LHPP: variants seen among roughly 807,000 people sequenced by gnomAD.
The protein encoded by LHPP is phospholysine phosphohistidine inorganic pyrophosphate phosphatase.
LHPP carries 24 observed loss-of-function variants against 30.3 expected under a neutral mutation model. That is an observed-to-expected ratio of 0.79 (90% CI 0.57 to 1.11). The LOEUF (loss-of-function observed/expected upper bound fraction) is 1.11. Among genes scored for constraint, LHPP ranks in the 50% most tolerant of loss-of-function variants. The pLI is 0.00. For missense variants in LHPP, 356 were observed against 367.2 expected (o/e 0.97, Z 0.25); for synonymous variants, 150 against 157.1 (o/e 0.95, Z 0.34).
In LHPP at chr10:124,501,601, T is replaced by TAA. The variant is rs1046422221; in HGVS notation, c.624+3492_624+3493dup. Among the ~76,000 whole-genome samples the TAA allele has an allele frequency of 2.6e-3, 301 of 116,388 alleles. 4 individuals are homozygous for TAA. Among genetic ancestry groups the TAA allele is most frequent in the African/African-American group, 8.7e-3 (264 of 30,300 alleles). 76.4% of individuals were successfully genotyped at this position (116,388 alleles called of 152,430 possible). On this transcript the variant is annotated intron_variant, in intron 5 of 6. Coordinates refer to ENST00000368842, the MANE Select transcript of LHPP (RefSeq NM_022126.4). ...TGGGCGACAGAGCCAGACTCTGTCT[T>TAA]AAAAAAAAAAAAAAAAAAAAGAAAA...
intron 6 of LHPP, among the ~76,000 whole-genome samples, chr10:124,610,224 A>G (rs925483419): frequency 1.3e-5 from 2 of 152,216 alleles, no homozygotes; most frequent in African/African-American, 4.8e-5. Flanking sequence ...GTGTGGCATC[A>G]CAGAATGACA....
At chr10:124,475,431 C>T (rs1952914963) in intron 1 of LHPP, among the ~76,000 whole-genome samples, 1 of 151,366 alleles carries the variant, frequency 6.6e-6, no homozygotes, top group African/African-American at 2.4e-5. Flanking sequence ...ATCCCAGCTA[C>T]TTGGGAGGCT....
intron 1 of LHPP, among the ~76,000 whole-genome samples, chr10:124,462,413 A>G (rs1409527814): frequency 1.3e-5 from 2 of 151,948 alleles, no homozygotes; most frequent in African/African-American, 4.8e-5. Context: ...TGGGCAACAT[A>G]GGGAGACCCC....
At chr10:124,572,282 G>A (rs1030043705) in intron 6 of LHPP, among the ~76,000 whole-genome samples, 2 of 152,198 alleles carry the variant, frequency 1.3e-5, no homozygotes, top group Non-Finnish European at 2.9e-5. Context: ...TGCAGTAACC[G>A]ACGGAGTGGT....
intron 1 of LHPP, among the ~76,000 whole-genome samples, chr10:124,475,847 C>T (rs555323123): frequency 7.3e-4 from 111 of 152,314 alleles, no homozygotes; most frequent in African/African-American, 2.5e-3. Flanking sequence ...CCACATGCCA[C>T]GAGGCATTTC....
intron 6 of LHPP, among the ~76,000 whole-genome samples, chr10:124,607,430 C>T (rs1381736135): frequency 3.3e-5 from 5 of 152,258 alleles, no homozygotes; most frequent in Admixed American, 6.5e-5. Flanking sequence ...GGGCAAACAC[C>T]GGCCGGGTGC....
intron 6 of LHPP, among the ~76,000 whole-genome samples, chr10:124,552,949 G>A (rs747637284): frequency 1.1e-4 from 17 of 152,232 alleles, no homozygotes; most frequent in Admixed American, 1.3e-4. Context: ...TAAGGCAACC[G>A]TAATTAACAT....
intron 1 of LHPP, among the ~76,000 whole-genome samples, chr10:124,467,692 T>TTG (rs200509215): frequency 2.1e-5 from 3 of 141,590 alleles, no homozygotes; most frequent in Admixed American, 7.1e-5. Flanking sequence ...GGTTTTTCTT[T>TTG]TGTGTGTGTG....
intron 6 of LHPP, among the ~76,000 whole-genome samples, chr10:124,589,346 T>C (rs1370042206): frequency 6.6e-6 from 1 of 152,254 alleles, no homozygotes; most frequent in Non-Finnish European, 1.5e-5. Flanking sequence ...CTTCCACTGC[T>C]GGATGGAGCC....
At chr10:124,548,901 G>A (rs1955414540) in intron 6 of LHPP, among the ~76,000 whole-genome samples, 1 of 152,232 alleles carries the variant, frequency 6.6e-6, no homozygotes, top group Non-Finnish European at 1.5e-5. Context: ...TGGGATCGCA[G>A]CCTTGGTAGC....
rs867252473 is a variant in LHPP, at chr10:124,549,166, G to A, written c.716+31895G>A. Among the ~76,000 whole-genome samples the A allele has an allele frequency of 4.6e-5, 7 of 152,336 alleles. No homozygotes were observed. In the Middle Eastern group the frequency reaches 0.01, roughly 222 times the overall value. ...TTTGATGAATGTATAGCCAGGCACA[G>A]TGGCTCACATCTGTATTCCCAACAC... On this transcript the variant is annotated intron_variant, in intron 6 of 6. Transcript: ENST00000368842.
rs761368235 is a variant in LHPP, at chr10:124,488,428, G to T, written c.320G>T (p.Arg107Leu). The T allele has an allele frequency of 1.2e-6, 2 of 1,613,740 alleles. No individual in the cohort carries two copies. Among genetic ancestry groups the T allele is most frequent in the South Asian group, 2.2e-5 (2 of 91,026 alleles). Residue 107 changes from arginine to leucine, a missense_variant, in exon 3 of 7, where the codon CGC (arginine) becomes CTC (leucine). By Grantham distance (102) the Arg-to-Leu change is moderately radical. Coordinates refer to ENST00000368842, the MANE Select transcript of LHPP (RefSeq NM_022126.4). ...TCTCTCTCTCTCTTTCCAGGAGTCCGCTCAGAATTTGATCAGATCGACACA... is the reference window on the plus strand; with the variant it reads ...TCTCTCTCTCTCTTTCCAGGAGTCCTCTCAGAATTTGATCAGATCGACACA... ...RPYLLIHDGV[R>L]SEFDQIDTSN...
rs1225277940 is a variant in LHPP, at chr10:124,526,897, C to T, written c.716+9626C>T. ...CAGATCTGGGAAGCCGTGGCCAGGC[C>T]GCAGCAAGCAGGGGAAGAAGGGGCC... is the stretch of plus-strand genomic sequence containing the variant. On this transcript the variant is annotated intron_variant, in intron 6 of 6. Transcript: ENST00000368842. Among the ~76,000 whole-genome samples, 7 of 152,228 alleles carry T rather than the reference C, an allele frequency of 4.6e-5. No individual in the cohort carries two copies. In the East Asian group the frequency reaches 5.8e-4, roughly 13 times the overall value.
At chr10:124,595,056 G>A (rs1488723224) in intron 6 of LHPP, among the ~76,000 whole-genome samples, 1 of 152,186 alleles carries the variant, frequency 6.6e-6, no homozygotes, top group East Asian at 1.9e-4. Context: ...TTAGCAGCAT[G>A]AAAACAGACT....
intron 6 of LHPP, among the ~76,000 whole-genome samples, chr10:124,553,513 C>T (rs1453646232): frequency 7.3e-6 from 1 of 136,360 alleles, no homozygotes; most frequent in Non-Finnish European, 1.5e-5. Flanking sequence ...GGCTGGAGTG[C>T]CGTGGCACAA....
At chr10:124,531,977 C>T (rs762892434) in intron 6 of LHPP, among the ~76,000 whole-genome samples, 2 of 152,182 alleles carry the variant, frequency 1.3e-5, no homozygotes, top group Non-Finnish European at 2.9e-5. Flanking sequence ...CTCTTCTTTC[C>T]ACTGATTGAT....
intron 6 of LHPP, among the ~76,000 whole-genome samples, chr10:124,552,552 G>A (rs1316940176): frequency 6.6e-6 from 1 of 152,200 alleles, no homozygotes; most frequent in Non-Finnish European, 1.5e-5. Context: ...TGGGTGTCCT[G>A]ATTTCTTTGA....
At chr10:124,463,108 A>G (rs1020515169) in intron 1 of LHPP, among the ~76,000 whole-genome samples, 2 of 152,180 alleles carry the variant, frequency 1.3e-5, no homozygotes, top group African/African-American at 4.8e-5. Flanking sequence ...ACCTCAGGTG[A>G]TCCACCTGCC....
chr10:124,504,587 G>A (rs1242557418), intron 5 of LHPP, among the ~76,000 whole-genome samples: 19 of 146,260 alleles, frequency 1.3e-4, no homozygotes, highest in African/African-American at 2.3e-4. Context: ...GCAACTGAGC[G>A]AGACCCTGTC....
Sources: gnomAD v4.1 joint callset for allele counts (sites outside exome capture counted in the v4.1 genomes callset) on GRCh38, gnomAD v4.1.1 for gene constraint, MANE v1.5 for transcripts, NCBI Gene and HGNC (gene_info 2026-07-23, HGNC 2026-07-21) for gene names.